THBS1: variants seen among roughly 807,000 people sequenced by gnomAD.
The protein encoded by THBS1 is thrombospondin-1.
In THBS1, 29 loss-of-function variants were observed where a neutral mutation model predicts 126.1. That is an observed-to-expected ratio of 0.23 (90% CI 0.17 to 0.31). THBS1 has a LOEUF of 0.31. Among genes scored for constraint, THBS1 ranks in the 10% least tolerant of loss-of-function variants. THBS1 has a pLI of 1.00. For missense variants in THBS1, 1,198 were observed against 1,545.2 expected (o/e 0.78, Z 3.77); for synonymous variants, 496 against 577.8 (o/e 0.86, Z 2.03).
intron 14 of THBS1, chr15:39,590,946 A>G (rs752618107): frequency 7.5e-5 from 42 of 557,768 alleles, no homozygotes; most frequent in Non-Finnish European, 9.4e-5. Flanking sequence ...TGGGCACACT[A>G]TGAACTGAGA....
rs1446909639 is a variant in THBS1, at chr15:39,589,291, C to T, written c.1863C>T (p.Pro621=). The T allele has an allele frequency of 1.2e-6, 2 of 1,614,174 alleles. No individual in the cohort carries two copies. Among genetic ancestry groups the T allele is most frequent in the South Asian group, 2.2e-5 (2 of 91,082 alleles). ...TDPGYNCLPC[P]PRFTGSQPFG... is the part of the protein sequence containing the mutation. Reference sequence around the variant, plus strand: ...CCGGCTACAACTGCCTGCCCTGCCCCCCACGCTTCACCGGCTCACAGCCCT... The same window carrying T: ...CCGGCTACAACTGCCTGCCCTGCCCTCCACGCTTCACCGGCTCACAGCCCT... The change falls in exon 12 of 22, where the codon CCC becomes CCT. Residue 621 remains proline (P), a synonymous_variant. Coordinates refer to ENST00000260356, the MANE Select transcript of THBS1 (RefSeq NM_003246.4). The surrounding 1 kb of genome is among the most constrained non-coding windows in gnomAD (Gnocchi z 4.7).
intron 8 of THBS1, 22 bp downstream of exon 8, chr15:39,587,542 G>T: frequency 1.9e-6 from 3 of 1,598,002 alleles, no homozygotes; most frequent in South Asian, 1.1e-5. Context: ...AGCCTCTCAG[G>T]GACGTGGAGA....
chr15:39,589,413 C>T lies in THBS1; in HGVS notation c.1926+59C>T. 1 of 1,591,152 alleles carries T rather than the reference C, an allele frequency of 6.3e-7. No individual in the cohort carries two copies. The highest frequency in any genetic ancestry group is 8.6e-7 in the Non-Finnish European group (1 of 1,167,390). The stretch of plus-strand genomic sequence containing the variant: ...GGAGAGCTGTCCTTGACCAAAATAA[C>T]TGGGAGCGGGAGGAATGTAATTTCA... On this transcript the variant is annotated intron_variant, in intron 12 of 21. Coordinates refer to ENST00000260356, the MANE Select transcript of THBS1 (RefSeq NM_003246.4). The surrounding 1 kb of genome is among the most constrained non-coding windows in gnomAD (Gnocchi z 4.7).
intron 8 of THBS1, 74 bp from the exon 9 acceptor site, chr15:39,587,968 G>T: frequency 3.5e-6 from 5 of 1,434,734 alleles, no homozygotes; most frequent in Non-Finnish European, 3.8e-6. Context: ...ATACTTCTGC[G>T]TGCTCCTGAT....
Position 39,584,090 on chromosome 15 carries a change from T to C in THBS1, c.806T>C (p.Ile269Thr). 1.2e-6 allele frequency: 2 copies of C among 1,614,204 alleles called. No homozygotes were observed. The highest frequency in any genetic ancestry group is 1.7e-6 in the Non-Finnish European group (2 of 1,180,038). Residue 269 changes from isoleucine (I) to threonine (T), a missense_variant, in exon 5 of 22, where the codon ATC becomes ACC. By Grantham distance (89) the Ile-to-Thr change is moderately conservative (BLOSUM62 -1). Around this residue, in one of 4 missense-constraint regions of THBS1, gnomAD observed 663 missense variants for 860.1 expected, o/e 0.77. Transcript: ENST00000260356. Reference sequence around the variant, plus strand: ...CACAAGACAAAGGACTTGCAAGCCATCTGCGGCATCTCCTGTGATGAGCTG... The same window carrying C: ...CACAAGACAAAGGACTTGCAAGCCACCTGCGGCATCTCCTGTGATGAGCTG... The part of the protein sequence containing the change: ...IGHKTKDLQA[I>T]CGISCDELSS...
Position 39,594,437 on chromosome 15 carries a change from A to C in THBS1, c.3502A>C (p.Arg1168=). The change falls in exon 21 of 22, where the codon AGA becomes CGA. Residue 1168 remains arginine (R), a synonymous_variant. Coordinates refer to ENST00000260356, the MANE Select transcript of THBS1 (RefSeq NM_003246.4). The surrounding 1 kb of genome is among the most constrained non-coding windows in gnomAD (Gnocchi z 4.4). ...CTTCTCTGACCTGAAATACGAATGTAGAGGTAAGAGCAACATCACCATGAA... is the reference window on the plus strand; with the variant it reads ...CTTCTCTGACCTGAAATACGAATGTCGAGGTAAGAGCAACATCACCATGAA... ...VFFSDLKYEC[R]DP The C allele has an allele frequency of 6.2e-7, 1 of 1,613,992 alleles. No homozygotes were observed. Among genetic ancestry groups the C allele is most frequent in the African/African-American group, 1.3e-5 (1 of 75,070 alleles).
Position 39,589,113 on chromosome 15 carries a change from T to C in THBS1, c.1773+27T>C. 3.7e-6 allele frequency: 6 copies of C among 1,612,774 alleles called. No homozygotes were observed. The highest frequency in any genetic ancestry group is 5.1e-6 in the Non-Finnish European group (6 of 1,178,782). ...TGAGGAACTGATGGGGCTCCGAGTT[T>C]CTGGATCTAGGAAAGCAGCTAACCT... is the stretch of plus-strand genomic sequence containing the variant. On this transcript the variant is annotated intron_variant, in intron 11 of 21. Transcript: ENST00000260356. The surrounding 1 kb of genome is among the most constrained non-coding windows in gnomAD (Gnocchi z 4.7).
Position 39,584,438 on chromosome 15 carries a change from C to T in THBS1, c.1026+16C>T. On this transcript the variant is annotated intron_variant, in intron 6 of 21. Coordinates refer to ENST00000260356, the MANE Select transcript of THBS1 (RefSeq NM_003246.4). ...TCACTGTCAGGTAAGGGACCTTCAC[C>T]AGCCAGAATAAGAATCGACGGCTTT... 1 of 1,613,732 alleles carries T rather than the reference C, an allele frequency of 6.2e-7. No individual in the cohort carries two copies. Among genetic ancestry groups the T allele is most frequent in the Non-Finnish European group, 8.5e-7 (1 of 1,179,890 alleles).
rs374100392 is a variant in THBS1, at chr15:39,594,184, C to T, written c.3353C>T (p.Thr1118Met). The T allele has an allele frequency of 9.3e-6, 15 of 1,614,058 alleles. No individual in the cohort carries two copies. The highest frequency in any genetic ancestry group is 3.3e-4 in the Middle Eastern group (2 of 6,084). The change falls in exon 20 of 22, where the codon ACG becomes ATG. Residue 1118 changes from threonine to methionine, a missense_variant. Coordinates refer to ENST00000260356, the MANE Select transcript of THBS1 (RefSeq NM_003246.4). This position sits in a 1 kb window ranked among gnomAD's most constrained non-coding sequence, Gnocchi z 4.4. Reference protein sequence around the residue: ...YRWRLSHRPKTGFIRVVMYEG... With the variant: ...YRWRLSHRPKMGFIRVVMYEG... Reference sequence around the variant, plus strand: ...TGGCGTCTCAGCCACAGGCCAAAGACGGGTTTCATTAGGTACGATCATACT... The same window carrying T: ...TGGCGTCTCAGCCACAGGCCAAAGATGGGTTTCATTAGGTACGATCATACT...
At chr15:39,586,235 C>T (rs1203753886) in intron 7 of THBS1, among the ~76,000 whole-genome samples, 2 of 152,046 alleles carry the variant, frequency 1.3e-5, no homozygotes, top group South Asian at 2.1e-4. Context: ...AACACACATG[C>T]ACACACACAC....
chr15:39,584,285 T>C lies in THBS1; in HGVS notation c.904-15T>C. 2 of 1,614,204 alleles carry C rather than the reference T, an allele frequency of 1.2e-6. No individual in the cohort carries two copies. Among genetic ancestry groups the C allele is most frequent in the Non-Finnish European group, 1.7e-6 (2 of 1,180,036 alleles). On this transcript the variant is annotated splice_polypyrimidine_tract_variant and intron_variant, in intron 5 of 21. Coordinates refer to ENST00000260356, the MANE Select transcript of THBS1 (RefSeq NM_003246.4). Reference sequence around the variant, plus strand: ...AAAATGCGGGGGGACACTAATGATATTCTCTCCCATTTAGACTGAAGAGAA... The same window carrying C: ...AAAATGCGGGGGGACACTAATGATACTCTCTCCCATTTAGACTGAAGAGAA...
At chr15:39,583,744 C>T (rs1044287078) in intron 4 of THBS1, 52 bp downstream of exon 4, 1 of 1,550,622 alleles carries the variant, frequency 6.4e-7, no homozygotes, top group African/African-American at 1.4e-5. Flanking sequence ...GGAATTCCAC[C>T]AAAAACAAAC....
rs1890343374 is a variant in THBS1, at chr15:39,592,378, G to C, written c.2533-190G>C. Among the ~76,000 whole-genome samples, 1 of 152,008 alleles carries C rather than the reference G, an allele frequency of 6.6e-6. No homozygotes were observed. Among genetic ancestry groups the C allele is most frequent in the Non-Finnish European group, 1.5e-5 (1 of 67,984 alleles). On this transcript the variant is annotated intron_variant, in intron 16 of 21. Transcript: ENST00000260356. This position sits in a 1 kb window ranked among gnomAD's most constrained non-coding sequence, Gnocchi z 4.3. The stretch of plus-strand genomic sequence containing the variant: ...TCTCAGATTTTTATACGAAAACAAA[G>C]ATAAAGGAAAAAAACTTTTAAAATG...
chr15:39,586,390 A>T (rs1890208814), intron 7 of THBS1, among the ~76,000 whole-genome samples: 1 of 152,240 alleles, frequency 6.6e-6, no homozygotes, highest in South Asian at 2.1e-4. Context: ...AGCTAGCTGG[A>T]GGTAGCAAAG....
At chr15:39,585,615 A>G (rs1489097540) in intron 7 of THBS1, 52 bp downstream of exon 7, 2 of 1,550,096 alleles carry the variant, frequency 1.3e-6, no homozygotes, top group South Asian at 2.2e-5. Flanking sequence ...TCAGTTCTAC[A>G]TACATCCTAG....
In THBS1 at chr15:39,590,005, G is replaced by C; in HGVS notation, c.2127G>C (p.Ala709=). The C allele has an allele frequency of 6.2e-7, 1 of 1,606,500 alleles. No homozygotes were observed. Among genetic ancestry groups the C allele is most frequent in the Non-Finnish European group, 8.5e-7 (1 of 1,176,272 alleles). The change falls in exon 13 of 22, where the codon GCG becomes GCC. Residue 709 remains alanine (A), a synonymous_variant. Transcript: ENST00000260356. The stretch of plus-strand genomic sequence containing the variant: ...AGAACCTGGTGTGCGTGGCCAATGC[G>C]ACTTACCACTGCAAAAAGGTAGAGC... The part of the protein sequence containing the change: ...PNENLVCVAN[A]TYHCKKDNCP...
At chr15:39,585,642 C>T in intron 7 of THBS1, 79 bp downstream of exon 7, 3 of 1,317,962 alleles carry the variant, frequency 2.3e-6, no homozygotes, top group Non-Finnish European at 3.2e-6. Flanking sequence ...GAGCACAACA[C>T]TGGAACCCCA....
In THBS1 at chr15:39,591,575, G is replaced by T. The variant is rs1243743803; in HGVS notation, c.2484G>T (p.Gly828=). 2.5e-6 allele frequency: 4 copies of T among 1,614,108 alleles called. No homozygotes were observed. The African/African-American group carries it at 5.3e-5, about 22-fold the overall frequency. ...NVDQRDTDMD[G]VGDQCDNCPL... Reference sequence around the variant, plus strand: ...ACCAGAGAGACACTGATATGGATGGGGTTGGAGATCAGTGTGACAATTGCC... The same window carrying T: ...ACCAGAGAGACACTGATATGGATGGTGTTGGAGATCAGTGTGACAATTGCC... The change falls in exon 16 of 22, where the codon GGG becomes GGT. Residue 828 remains glycine, a synonymous_variant. Transcript: ENST00000260356.
Position 39,589,211 on chromosome 15 carries a change from G to A in THBS1, c.1783G>A (p.Val595Met). The part of the protein sequence containing the change: ...QCTDVDECKE[V>M]PDACFNHNGE... ...CTTATTTCCTCCATAGTGCAAAGAA[G>A]TGCCTGATGCCTGCTTCAACCACAA... Residue 595 changes from valine (V) to methionine (M), a missense_variant, in exon 12 of 22, where the codon GTG (valine) becomes ATG (methionine). By Grantham distance (21) the Val-to-Met change is conservative. This residue lies in a region of THBS1 where 663 missense variants were observed against 860.1 expected (regional missense o/e 0.77). Transcript: ENST00000260356. The surrounding 1 kb of genome is among the most constrained non-coding windows in gnomAD (Gnocchi z 4.7). 1.2e-6 allele frequency: 2 copies of A among 1,614,138 alleles called. No homozygotes were observed. The highest frequency in any genetic ancestry group is 1.7e-5 in the Admixed American group (1 of 60,026).
Sources: allele counts gnomAD v4.1 joint callset (sites outside exome capture counted in the v4.1 genomes callset), GRCh38; gene constraint gnomAD v4.1.1; regional missense constraint gnomAD v4.1.1; non-coding constraint Gnocchi (gnomAD v3.1); transcripts MANE v1.5; gene names NCBI Gene and HGNC (gene_info 2026-07-23, HGNC 2026-07-21).